The following STAT4 variants were observed in gnomAD, a reference collection of about 807,000 sequenced individuals.
STAT4 encodes the protein signal transducer and activator of transcription 4.
Under a neutral mutation model 110.5 loss-of-function variants are expected in STAT4, and 42 were observed. That is an observed-to-expected ratio of 0.38 (90% CI 0.30 to 0.49). The LOEUF (loss-of-function observed/expected upper bound fraction) is 0.49, where lower values mean the gene tolerates loss of function less well. STAT4 is among the 20% of genes least tolerant of loss of function. The probability of loss-of-function intolerance (pLI) is 0.95; values close to 1 mark genes in which losing one functional copy is unlikely to be tolerated. For missense variants in STAT4, 632 were observed against 887.9 expected, an observed-to-expected ratio of 0.71 and a Z score of 3.66; for synonymous variants, 284 against 302.2, an observed-to-expected ratio of 0.94 and a Z score of 0.63.
At chr2:191,132,039 A>AGAGAAACGTTTCTT (rs1221997992) in intron 3 of STAT4, 1 of 1,093,600 alleles carries the variant, frequency 9.1e-7, no homozygotes, top group African/African-American at 1.7e-5. Context: ...ACATAACTGA[A>AGAGAAACGTTTCTT]GAGAAACGTT....
In STAT4 at chr2:191,062,909, A is replaced by G. The variant is rs779542390; in HGVS notation, c.794T>C (p.Leu265Ser). 2 of 1,613,556 alleles carry G rather than the reference A, an allele frequency of 1.2e-6. No homozygotes were observed. The highest frequency in any genetic ancestry group is 8.5e-7 in the Non-Finnish European group (1 of 1,179,738). ...LDQLQNCFTL[L>S]AESLFQLRRQ... ...TCTCAGTTGGAAAAGACTTTCTGCC[A>G]ATAGTGTAAAGCTATTGAACAGAAA... The change falls in exon 9 of 24, where the codon TTG (leucine) becomes TCG (serine). Residue 265 changes from leucine to serine, a missense_variant. Physicochemically the swap from Leu to Ser is moderately radical, Grantham distance 145. Transcript: ENST00000392320. The surrounding 1 kb of genome is among the most constrained non-coding windows in gnomAD (Gnocchi z 4.9).
chr2:191,132,904 G>A (rs562673639), intron 3 of STAT4, among the ~76,000 whole-genome samples: 6 of 151,352 alleles, frequency 4.0e-5, no homozygotes, highest in Admixed American at 1.3e-4. Context: ...GCAGGCGCCC[G>A]CCACCATGCC....
Position 191,066,139 on chromosome 2 carries a change from G to A in STAT4, c.630+291C>T, listed in dbSNP as rs529535787. Among the ~76,000 whole-genome samples the A allele has an allele frequency of 6.2e-4, 94 of 152,212 alleles. 1 individual carries two copies. The South Asian group carries it at 0.019, about 30-fold the overall frequency. ...TAAGTACAGCAACTGAAACAGCCACGTCTGAAATAATGACAAATAAAAATT... is the reference window on the plus strand; with the variant it reads ...TAAGTACAGCAACTGAAACAGCCACATCTGAAATAATGACAAATAAAAATT... On this transcript the variant is annotated intron_variant, in intron 7 of 23. Coordinates refer to ENST00000392320, the MANE Select transcript of STAT4 (RefSeq NM_003151.4). The surrounding 1 kb of genome is among the most constrained non-coding windows in gnomAD (Gnocchi z 4.3).
chr2:191,038,502 T>A (rs73981217), intron 16 of STAT4, among the ~76,000 whole-genome samples: 246 of 152,342 alleles, frequency 1.6e-3, no homozygotes, highest in African/African-American at 5.5e-3. Flanking sequence ...GTTATTTACA[T>A]CTGACCTATT....
rs996853044 is a variant in STAT4, at chr2:191,059,191, T to C, written c.1035-422A>G. ...GTGAGCTTTAATGATAAGTGTTTTA[T>C]GGTGAACATACTAAGACAGAACTGT... On this transcript the variant is annotated intron_variant, in intron 10 of 23. Coordinates refer to ENST00000392320, the MANE Select transcript of STAT4 (RefSeq NM_003151.4). The surrounding 1 kb of genome is among the most constrained non-coding windows in gnomAD (Gnocchi z 4.7). Among the ~76,000 whole-genome samples the C allele has an allele frequency of 3.6e-4, 55 of 152,236 alleles. No homozygotes were observed. The highest frequency in any genetic ancestry group is 2.2e-3 in the Admixed American group (33 of 15,280).
rs557464513 is a variant in STAT4, at chr2:191,132,767, T to G, written c.273+13846A>C. On this transcript the variant is annotated intron_variant, in intron 3 of 23. Transcript: ENST00000392320. ...TCTTAATGGTTTTCTTTTTTTTTTT[T>G]TTTTGGAGACGGAGTCTCGCTCTGT... is the stretch of plus-strand genomic sequence containing the variant. Among the ~76,000 whole-genome samples the G allele has an allele frequency of 6.4e-4, 96 of 150,730 alleles. 3 individuals are homozygous for G. Among genetic ancestry groups the G allele is most frequent in the African/African-American group, 2.1e-3 (84 of 40,600 alleles).
At chr2:191,124,453 C>CAAAAAAA (rs34438452) in intron 3 of STAT4, among the ~76,000 whole-genome samples, 2 of 71,228 alleles carry the variant, frequency 2.8e-5, no homozygotes, top group Non-Finnish European at 5.2e-5. Flanking sequence ...GACGCCGTCT[C>CAAAAAAA]AAAAAAAAAA....
intron 3 of STAT4, among the ~76,000 whole-genome samples, chr2:191,105,165 C>T (rs544824948): frequency 6.6e-5 from 10 of 152,216 alleles, no homozygotes; most frequent in Non-Finnish European, 1.2e-4. Context: ...CCTTGTACCA[C>T]TACCCTCCTT....
chr2:191,045,465 C>T (rs1696322081), intron 14 of STAT4, among the ~76,000 whole-genome samples: 1 of 152,082 alleles, frequency 6.6e-6, no homozygotes, highest in South Asian at 2.1e-4. Flanking sequence ...AGATATAAAG[C>T]TTCAACAATT....
intron 3 of STAT4, among the ~76,000 whole-genome samples, chr2:191,085,074 G>C (rs1266320097): frequency 6.6e-6 from 1 of 150,968 alleles, no homozygotes; most frequent in Non-Finnish European, 1.5e-5. Context: ...AAATGGGAGA[G>C]AGAAAGATTT....
chr2:191,097,636 CTTAAATG>C (rs1376808292), intron 3 of STAT4, among the ~76,000 whole-genome samples: 1 of 152,196 alleles, frequency 6.6e-6, no homozygotes, highest in Non-Finnish European at 1.5e-5. Context: ...GGATTAAAGA[CTTAAATG>C]TTAGACCTAA....
At chr2:191,128,348 G>A (rs1481497178) in intron 3 of STAT4, among the ~76,000 whole-genome samples, 1 of 152,116 alleles carries the variant, frequency 6.6e-6, no homozygotes, top group Non-Finnish European at 1.5e-5. Context: ...TTCTCTTTGT[G>A]TGTGGTGTAT....
At chr2:191,103,429 A>G (rs915476218) in intron 3 of STAT4, among the ~76,000 whole-genome samples, 1 of 152,124 alleles carries the variant, frequency 6.6e-6, no homozygotes, top group Non-Finnish European at 1.5e-5. Context: ...AAGTCTGGAG[A>G]AGAAATTTTT....
Position 191,107,313 on chromosome 2 carries a change from A to T in STAT4, c.274-30988T>A, listed in dbSNP as rs1698309083. 6.6e-6 allele frequency among the ~76,000 whole-genome samples: 1 copy of T among 152,158 alleles called. No homozygotes were observed. The highest frequency in any genetic ancestry group is 6.5e-5 in the Admixed American group (1 of 15,274). On this transcript the variant is annotated intron_variant, in intron 3 of 23. Transcript: ENST00000392320. This position sits in a 1 kb window ranked among gnomAD's most constrained non-coding sequence, Gnocchi z 4.2. ...CAGAGTCCATCTTTATTTCTTCCTT[A>T]CAATTTTCCTGCCTGTTAACAATCT...
Position 191,066,629 on chromosome 2 carries a change from T to A in STAT4, c.545-114A>T. On this transcript the variant is annotated intron_variant, in intron 6 of 23. Transcript: ENST00000392320. The surrounding 1 kb of genome is among the most constrained non-coding windows in gnomAD (Gnocchi z 4.3). Reference sequence around the variant, plus strand: ...CCGGAGAACTTATGTGGTAAGAGACTAATTGGGTTCACTAGAGGTGAGCTT... The same window carrying A: ...CCGGAGAACTTATGTGGTAAGAGACAAATTGGGTTCACTAGAGGTGAGCTT... 1.1e-6 allele frequency: 1 copy of A among 871,672 alleles called. No individual in the cohort carries two copies. Among genetic ancestry groups the A allele is most frequent in the Non-Finnish European group, 1.8e-6 (1 of 558,510 alleles). 54.0% of individuals were successfully genotyped at this position (871,672 alleles called of 1,614,324 possible).
chr2:191,039,521 T>C lies in STAT4; in HGVS notation c.1336-224A>G, dbSNP rs980182110. Among the ~76,000 whole-genome samples the C allele has an allele frequency of 2.0e-5, 3 of 152,168 alleles. No homozygotes were observed. The highest frequency in any genetic ancestry group is 1.3e-4 in the Admixed American group (2 of 15,274). ...GGAAAGAGCAGGAATCCTTTCAGAG[T>C]GCTCAGTCAGGCAGCTTCCCAGTAT... On this transcript the variant is annotated intron_variant, in intron 15 of 23. Coordinates refer to ENST00000392320, the MANE Select transcript of STAT4 (RefSeq NM_003151.4). This position sits in a 1 kb window ranked among gnomAD's most constrained non-coding sequence, Gnocchi z 4.7.
rs1697347252 is a variant in STAT4, at chr2:191,077,424, T to C, written c.274-1099A>G. ...TTAAATTTCTTTGTTACTGGACTTT[T>C]TCCAGGGCAGGATTAACAGGAAGCA... On this transcript the variant is annotated intron_variant, in intron 3 of 23. Coordinates refer to ENST00000392320, the MANE Select transcript of STAT4 (RefSeq NM_003151.4). The surrounding 1 kb of genome is among the most constrained non-coding windows in gnomAD (Gnocchi z 4.1). 6.6e-6 allele frequency among the ~76,000 whole-genome samples: 1 copy of C among 152,200 alleles called. No homozygotes were observed. The highest frequency in any genetic ancestry group is 1.5e-5 in the Non-Finnish European group (1 of 68,030).
At position 191,142,285 on chromosome 2, in the gene STAT4, G is replaced by C. The variant is rs536391850; in HGVS notation, c.273+4328C>G. Among the ~76,000 whole-genome samples the C allele has an allele frequency of 6.6e-6, 1 of 151,754 alleles. No homozygotes were observed. Among genetic ancestry groups the C allele is most frequent in the East Asian group, 1.9e-4 (1 of 5,170 alleles). The stretch of plus-strand genomic sequence containing the variant: ...ATAGAATACTATTTGGCCATAAAAA[G>C]AATAAAATCATGTCATTTGCAGCAA... On this transcript the variant is annotated intron_variant, in intron 3 of 23. Transcript: ENST00000392320. The surrounding 1 kb of genome is among the most constrained non-coding windows in gnomAD (Gnocchi z 4.1).
chr2:191,074,306 C>A (rs558313600), intron 4 of STAT4, among the ~76,000 whole-genome samples: 2 of 152,316 alleles, frequency 1.3e-5, no homozygotes, highest in Admixed American at 1.3e-4. Context: ...GCAGCAAATT[C>A]AGTGCAGTAA....
Sources: allele counts gnomAD v4.1 joint callset (sites outside exome capture counted in the v4.1 genomes callset), GRCh38; gene constraint gnomAD v4.1.1; non-coding constraint Gnocchi (gnomAD v3.1); transcripts MANE v1.5; gene names NCBI Gene and HGNC (gene_info 2026-07-23, HGNC 2026-07-21).